Variants in FOXP2 observed in about 807,000 individuals in gnomAD.
The protein encoded by FOXP2 is forkhead box protein P2.
A neutral mutation model predicts 115.8 loss-of-function variants in FOXP2; 12 were observed. That is an observed-to-expected ratio of 0.10 (90% confidence interval 0.07 to 0.17). The LOEUF is 0.17. FOXP2 is among the 10% of genes least tolerant of loss of function. The pLI is 1.00. For synonymous variants in FOXP2, 328 were observed against 297.7 expected (o/e 1.10, Z -1.05); for missense variants, 629 against 843.5 (o/e 0.75, Z 3.15).
intron 2 of FOXP2, among the ~76,000 whole-genome samples, chr7:114,334,933 A>ATATATATATATTTTATATATATAGAAATC (rs1797808989): frequency 1.5e-5 from 1 of 65,808 alleles, no homozygotes; most frequent in African/African-American, 5.3e-5. Context: ...ATAGAAATCT[A>ATATATATATATTTTATATATATAGAAATC]TATATATATA....
intron 3 of FOXP2, among the ~76,000 whole-genome samples, chr7:114,556,061 C>T (rs1226669866): frequency 6.6e-6 from 1 of 152,138 alleles, no homozygotes; most frequent in African/African-American, 2.4e-5. Flanking sequence ...AAAGAAAAAG[C>T]AAATGGCAGT....
intron 1 of FOXP2, among the ~76,000 whole-genome samples, chr7:114,221,083 C>T (rs1270131660): frequency 3.9e-5 from 6 of 152,050 alleles, no homozygotes; most frequent in African/African-American, 1.4e-4. Flanking sequence ...TTTTAAATAT[C>T]TGTCACCAAT....
intron 1 of FOXP2, among the ~76,000 whole-genome samples, chr7:114,113,087 G>A (rs909859743): frequency 1.2e-4 from 18 of 152,172 alleles, no homozygotes; most frequent in African/African-American, 3.4e-4. Context: ...ATTGCTGTAA[G>A]AACAAGAATT....
At chr7:114,630,805 T>C (rs1726688099) in intron 5 of FOXP2, among the ~76,000 whole-genome samples, 1 of 152,142 alleles carries the variant, frequency 6.6e-6, no homozygotes, top group African/African-American at 2.4e-5. Flanking sequence ...TTATGCAGTC[T>C]GTTTTCCAGT....
In FOXP2 at chr7:114,561,470, G is replaced by A. The variant is rs1405144348; in HGVS notation, c.258+26764G>A. ...CCTAAAGATTATTAAAAAATCAAAT[G>A]TATTTTAAAGAAGTTTGCCTTTTAT... On this transcript the variant is annotated intron_variant, in intron 3 of 16. Coordinates refer to ENST00000350908, the MANE Select transcript of FOXP2 (RefSeq NM_014491.4). The A allele has an allele frequency of 2.6e-5, 4 of 152,060 alleles. No individual in the cohort carries two copies. In the East Asian group the frequency reaches 7.7e-4, roughly 29 times the overall value. 9.4% of individuals were successfully genotyped at this position (152,060 alleles called of 1,614,324 possible). A position where few individuals can be genotyped will look rare whatever the true frequency, so the allele number is the denominator to read the frequency against.
chr7:114,378,018 C>T (rs889479451), intron 2 of FOXP2, among the ~76,000 whole-genome samples: 6 of 152,132 alleles, frequency 3.9e-5, no homozygotes, highest in Admixed American at 6.5e-5. Flanking sequence ...CTCAGTTTAT[C>T]CTAAAGCCTC....
chr7:114,666,713 T>C (rs1807179275), intron 16 of FOXP2: 2 of 152,180 alleles, frequency 1.3e-5, no homozygotes, highest in Non-Finnish European at 2.9e-5. Flanking sequence ...CCTAGTGGTA[T>C]CAGAACATAG....
At chr7:114,500,025 C>G (rs1280453219) in intron 2 of FOXP2, among the ~76,000 whole-genome samples, 1 of 151,952 alleles carries the variant, frequency 6.6e-6, no homozygotes, top group African/African-American at 2.4e-5. Flanking sequence ...ACCATCCTGG[C>G]TAACACGGTG....
chr7:114,493,619 C>G (rs914589159), intron 2 of FOXP2, among the ~76,000 whole-genome samples: 1 of 151,942 alleles, frequency 6.6e-6, no homozygotes, highest in African/African-American at 2.4e-5. Flanking sequence ...GGAGAAAATA[C>G]CCAGAAGCAC....
At chr7:114,100,192 TG>T (rs1351846349) in intron 1 of FOXP2, among the ~76,000 whole-genome samples, 1 of 152,202 alleles carries the variant, frequency 6.6e-6, no homozygotes, top group Non-Finnish European at 1.5e-5. Context: ...TTACACAGGA[TG>T]TTTTACATAG....
chr7:114,663,432 A>T lies in FOXP2; in HGVS notation c.1770-18A>T, dbSNP rs768438167. On this transcript the variant is annotated intron_variant, in intron 14 of 16. Transcript: ENST00000350908. The stretch of plus-strand genomic sequence containing the variant: ...ATATTTTGACGTATAAATGATCTTT[A>T]TATATTTTTTTTTTCAGAAGTCCAA... 6.6e-7 allele frequency: 1 copy of T among 1,504,138 alleles called. No homozygotes were observed. The highest frequency in any genetic ancestry group is 1.1e-5 in the South Asian group (1 of 88,498). 93.2% of individuals were successfully genotyped at this position (1,504,138 alleles called of 1,614,324 possible). A position where few individuals can be genotyped will look rare whatever the true frequency, so the allele number is the denominator to read the frequency against.
intron 1 of FOXP2, among the ~76,000 whole-genome samples, chr7:114,169,223 C>T (rs1263573664): frequency 6.6e-6 from 1 of 152,188 alleles, no homozygotes; most frequent in Non-Finnish European, 1.5e-5. Flanking sequence ...GGACAGCTTG[C>T]ACCATGTGCC....
intron 2 of FOXP2, among the ~76,000 whole-genome samples, chr7:114,362,464 C>G (rs1791776226): frequency 6.6e-6 from 1 of 151,838 alleles, no homozygotes; most frequent in South Asian, 2.1e-4. Context: ...GCTAAATAAG[C>G]AACAGTGAGA....
chr7:114,297,114 A>C (rs776496295), intron 2 of FOXP2: 1 of 465,176 alleles, frequency 2.1e-6, no homozygotes, highest in Non-Finnish European at 4.3e-6. Context: ...CAGGGGGCTC[A>C]GTCTTTCTTG....
upstream of FOXP2, among the ~76,000 whole-genome samples, chr7:114,158,827 A>C (rs1233383580): frequency 6.6e-6 from 1 of 152,098 alleles, no homozygotes; most frequent in Non-Finnish European, 1.5e-5. Flanking sequence ...TTTTCCGCAG[A>C]TGTTCACTCC....
chr7:114,268,615 C>G lies in FOXP2; in HGVS notation c.-101-19404C>G, dbSNP rs1436585937. On this transcript the variant is annotated intron_variant, in intron 1 of 17. Coordinates refer to the FOXP2 transcript ENST00000634411. The stretch of plus-strand genomic sequence containing the variant: ...GGCTGTAATTCTAAAGCTGTTGCTC[C>G]TGATGTTCTCAAAGTGTTGTTTCTT... Among the ~76,000 whole-genome samples the G allele has an allele frequency of 2.6e-5, 4 of 151,934 alleles. No individual in the cohort carries two copies. The East Asian group carries it at 7.7e-4, about 29-fold the overall frequency.
intron 3 of FOXP2, among the ~76,000 whole-genome samples, chr7:114,548,153 T>G (rs1800026250): frequency 6.6e-6 from 1 of 152,150 alleles, no homozygotes. Context: ...ATGCCCATGT[T>G]TTAGGCAAAA....
In FOXP2 at chr7:114,506,568, G is replaced by GAT. The variant is rs1056258465; in HGVS notation, c.169-28037_169-28036dup. On this transcript the variant is annotated intron_variant, in intron 2 of 16. Coordinates refer to ENST00000350908, the MANE Select transcript of FOXP2 (RefSeq NM_014491.4). ...TTATTTGATATTTATTTTCCCTTGA[G>GAT]ATATATATATATACATATATATCTA... Among the ~76,000 whole-genome samples the GAT allele has an allele frequency of 4.7e-3, 704 of 150,592 alleles. 7 individuals carry two copies. The highest frequency in any genetic ancestry group is 0.015 in the African/African-American group (613 of 41,160).
At chr7:114,344,496 A>G (rs1157548418) in intron 2 of FOXP2, among the ~76,000 whole-genome samples, 1 of 151,812 alleles carries the variant, frequency 6.6e-6, no homozygotes, top group Non-Finnish European at 1.5e-5. Context: ...GTATTAGGGC[A>G]CTGTGGACTA....
Sources: gnomAD v4.1 joint callset for allele counts (sites outside exome capture counted in the v4.1 genomes callset) on GRCh38, gnomAD v4.1.1 for gene constraint, MANE v1.5 for transcripts, NCBI Gene and HGNC (gene_info 2026-07-23, HGNC 2026-07-21) for gene names.